NUP205: variants seen among roughly 807,000 people sequenced by gnomAD.
NUP205 encodes nucleoporin 205.
Under a neutral mutation model 253.8 loss-of-function variants are expected in NUP205, and 76 were observed. The ratio of observed to expected loss-of-function variants is 0.30; its 90% CI spans 0.25 to 0.36. NUP205 has a LOEUF of 0.36. Among genes scored for constraint, NUP205 ranks in the 10% least tolerant of loss-of-function variants. The pLI is 1.00. For missense variants in NUP205, 2,162 were observed against 2,425.5 expected, an observed-to-expected ratio of 0.89 and a Z score of 2.28; for synonymous variants, 832 against 850.1, an observed-to-expected ratio of 0.98 and a Z score of 0.37.
chr7:135,608,670 T>C (rs1200711575), intron 22 of NUP205, among the ~76,000 whole-genome samples: 5 of 152,090 alleles, frequency 3.3e-5, no homozygotes, highest in African/African-American at 1.2e-4. Flanking sequence ...ATCATGCCAC[T>C]GCACTCCAGC....
At chr7:135,639,409 CG>C (rs1362653717) in intron 38 of NUP205, among the ~76,000 whole-genome samples, 6 of 151,878 alleles carry the variant, frequency 4.0e-5, no homozygotes, top group African/African-American at 1.5e-4. Context: ...TATTAGTGGC[CG>C]GGTGTGTGGT....
intron 32 of NUP205, 58 bp downstream of exon 32, chr7:135,625,413 A>C: frequency 1.0e-5 from 13 of 1,293,938 alleles, no homozygotes; most frequent in Non-Finnish European, 1.4e-5. Flanking sequence ...TTGGCTATAG[A>C]TGTATTAAAG....
rs548266086 is a variant in NUP205, at chr7:135,563,290, C to T, written c.28+5318C>T. Among the ~76,000 whole-genome samples the T allele has an allele frequency of 1.1e-4, 17 of 152,212 alleles. No individual in the cohort carries two copies. In the South Asian group the frequency reaches 1.7e-3, roughly 15 times the overall value. On this transcript the variant is annotated intron_variant, in intron 1 of 42. Coordinates refer to ENST00000285968, the MANE Select transcript of NUP205 (RefSeq NM_015135.3). ...GCAGCCTCCGCCTCCTGGGTTCAAGCGATTCTCCTGCCTCAGCCTCCCTAG... is the reference window on the plus strand; with the variant it reads ...GCAGCCTCCGCCTCCTGGGTTCAAGTGATTCTCCTGCCTCAGCCTCCCTAG...
At chr7:135,570,094 G>A (rs951654683) in intron 1 of NUP205, among the ~76,000 whole-genome samples, 1 of 143,834 alleles carries the variant, frequency 7.0e-6, no homozygotes, top group East Asian at 2.0e-4. Context: ...GAGAGAGAGA[G>A]AAACTGAAGT....
At chr7:135,606,688 T>C (rs1794092177) in intron 20 of NUP205, 63 bp from the exon 21 acceptor site, 1 of 1,335,764 alleles carries the variant, frequency 7.5e-7, no homozygotes, top group African/African-American at 1.5e-5. Flanking sequence ...TTTTGTATTT[T>C]TTATTTGACT....
At chr7:135,645,082 C>G (rs974032427) in intron 40 of NUP205, 64 bp downstream of exon 40, 4 of 1,576,832 alleles carry the variant, frequency 2.5e-6, no homozygotes, top group Non-Finnish European at 3.5e-6. Context: ...TTCACTTATT[C>G]TCATATTATT....
intron 22 of NUP205, 86 bp from the exon 23 acceptor site, chr7:135,614,073 A>C (rs1485899610): frequency 5.8e-6 from 4 of 694,674 alleles, no homozygotes; most frequent in African/African-American, 5.5e-5. Context: ...TTTTTCACTT[A>C]GTAGGTCTAA....
chr7:135,592,328 T>G (rs1806650447), intron 11 of NUP205, among the ~76,000 whole-genome samples: 1 of 152,190 alleles, frequency 6.6e-6, no homozygotes, highest in Non-Finnish European at 1.5e-5. Flanking sequence ...AAACTCAACA[T>G]TTGTGAATTA....
intron 11 of NUP205, among the ~76,000 whole-genome samples, chr7:135,592,161 G>T (rs994342216): frequency 6.6e-6 from 1 of 152,200 alleles, no homozygotes; most frequent in East Asian, 1.9e-4. Context: ...GAGCCATGAT[G>T]GGAGCTGAAA....
intron 1 of NUP205, among the ~76,000 whole-genome samples, chr7:135,561,417 G>A (rs1476167105): frequency 1.3e-5 from 2 of 152,130 alleles, no homozygotes; most frequent in African/African-American, 2.4e-5. Flanking sequence ...CTAGTCTTGT[G>A]ACCTGTATCA....
chr7:135,601,041 A>T, intron 16 of NUP205, 72 bp downstream of exon 16: 1 of 692,718 alleles, frequency 1.4e-6, no homozygotes, highest in Non-Finnish European at 2.4e-6. Context: ...TATGTTATAT[A>T]TAAATTAAAA....
chr7:135,628,639 A>G (rs1213012440), intron 34 of NUP205, among the ~76,000 whole-genome samples: 1 of 152,276 alleles, frequency 6.6e-6, no homozygotes, highest in African/African-American at 2.4e-5. Context: ...TGAAACACTA[A>G]CATTCCAACA....
rs1388039849 is a variant in NUP205 at position 135,616,058 on chromosome 7, A to G, written c.3453A>G (p.Pro1151=). 1.9e-6 allele frequency: 3 copies of G among 1,613,086 alleles called. No individual in the cohort carries two copies. The highest frequency in any genetic ancestry group is 2.2e-5 in the South Asian group (2 of 90,956). The change falls in exon 24 of 43, where the codon CCA becomes CCG. Residue 1151 remains proline, a synonymous_variant. Transcript: ENST00000285968. ...TACTGGATGACATGCCAGTGAAACC[A>G]TACTCAGGTGAGTATTAGTATTTGT... ...HLLLDDMPVK[P]YSDGEGGIED...
Position 135,573,707 on chromosome 7 carries a change from C to A in NUP205, c.225C>A (p.Val75=). Residue 75 remains valine, a synonymous_variant, in exon 3 of 43, where the codon GTC becomes GTA. Coordinates refer to ENST00000285968, the MANE Select transcript of NUP205 (RefSeq NM_015135.3). ...TTCAGAAAGCCAGTACAGAGGGAGT[C>A]GCCATTCAGGGTCAACAGGGAACTC... The part of the protein sequence containing the change: ...EKVQKASTEG[V]AIQGQQGTRL... The A allele has an allele frequency of 6.2e-7, 1 of 1,613,886 alleles. No individual in the cohort carries two copies. The highest frequency in any genetic ancestry group is 8.5e-7 in the Non-Finnish European group (1 of 1,179,852).
At chr7:135,575,286 G>GTTA (rs1370756808) in intron 3 of NUP205, among the ~76,000 whole-genome samples, 2 of 152,170 alleles carry the variant, frequency 1.3e-5, no homozygotes, top group Non-Finnish European at 1.5e-5. Context: ...GTTTAAGGTA[G>GTTA]ATGTTGCAAA....
At chr7:135,588,062 T>C in intron 10 of NUP205, 70 bp downstream of exon 10, 1 of 1,350,608 alleles carries the variant, frequency 7.4e-7, no homozygotes, top group Non-Finnish European at 1.0e-6. Flanking sequence ...ATGAAAGATA[T>C]TACTTCCTGA....
intron 39 of NUP205, among the ~76,000 whole-genome samples, chr7:135,643,928 C>T (rs912928074): frequency 6.6e-6 from 1 of 152,204 alleles, no homozygotes; most frequent in Non-Finnish European, 1.5e-5. Flanking sequence ...GCTGAAGCTT[C>T]CTGGTGTCCT....
intron 22 of NUP205, among the ~76,000 whole-genome samples, chr7:135,611,433 T>C (rs4732132): frequency 0.99 from 150,408 of 152,350 alleles, 74,272 homozygotes; most frequent in Middle Eastern, 1. Context: ...AGTTTTTGTT[T>C]GTTTATAGAA....
Position 135,557,923 on chromosome 7 carries a change from G to A in NUP205, c.-22G>A, listed in dbSNP as rs1805472754. 1 of 1,612,578 alleles carries A rather than the reference G, an allele frequency of 6.2e-7. No individual in the cohort carries two copies. On this transcript the variant is annotated 5_prime_UTR_variant, in exon 1 of 43. Transcript: ENST00000285968. The stretch of plus-strand genomic sequence containing the variant: ...CCCGGGGCCTCCATGCGGCAGAAGG[G>A]CTCTGTTAGTGCGCCTCTAAGATGG...
Sources: allele counts gnomAD v4.1 joint callset (sites outside exome capture counted in the v4.1 genomes callset), GRCh38; gene constraint gnomAD v4.1.1; transcripts MANE v1.5; gene names NCBI Gene and HGNC (gene_info 2026-07-23, HGNC 2026-07-21).